LYZL4: variants seen among roughly 807,000 people sequenced by gnomAD.
LYZL4 encodes lysozyme-like protein 4.
Under a neutral mutation model 17.6 loss-of-function variants are expected in LYZL4, and 13 were observed. The ratio of observed to expected loss-of-function variants is 0.74; its 90% CI spans 0.48 to 1.18. The LOEUF (loss-of-function observed/expected upper bound fraction) is 1.18. LYZL4 is among the 50% of genes most tolerant of loss of function. The pLI, the probability that LYZL4 is intolerant of heterozygous loss-of-function variation, is 0.00. For missense variants in LYZL4, 174 were observed against 188.2 expected (o/e 0.92, Z 0.44); for synonymous variants, 64 against 67.7 (o/e 0.95, Z 0.27).
the LYZL4 span, among the ~76,000 whole-genome samples, chr3:42,387,968 T>C: frequency 5.3e-5 from 8 of 151,960 alleles, no homozygotes; most frequent in African/African-American, 1.7e-4. Flanking sequence ...CCTCCCAGGC[T>C]CCAAGGTAGC....
At chr3:42,385,272 C>G in the LYZL4 span, among the ~76,000 whole-genome samples, 1 of 151,948 alleles carries the variant, frequency 6.6e-6, no homozygotes, top group Non-Finnish European at 1.5e-5. Flanking sequence ...AAGTGGTGGT[C>G]CCATACAAAC....
chr3:42,366,860 T>C, the LYZL4 span, among the ~76,000 whole-genome samples: 2 of 152,188 alleles, frequency 1.3e-5, no homozygotes, highest in Non-Finnish European at 2.9e-5. Flanking sequence ...GGGAAATAAT[T>C]AACCTATGAA....
chr3:42,406,480 A>AAG (rs1698755138), intron 3 of LYZL4, among the ~76,000 whole-genome samples: 3 of 148,190 alleles, frequency 2.0e-5, no homozygotes, highest in Non-Finnish European at 4.5e-5. Context: ...AAAAAAAAAA[A>AAG]GAAAGAAAGA....
At chr3:42,409,203 C>G (rs540671503) in intron 1 of LYZL4, among the ~76,000 whole-genome samples, 1 of 152,262 alleles carries the variant, frequency 6.6e-6, no homozygotes, top group East Asian at 1.9e-4. Flanking sequence ...CTCTTGATTC[C>G]TCAGTTTCCT....
downstream of LYZL4, among the ~76,000 whole-genome samples, chr3:42,396,841 C>T (rs534765946): frequency 2.0e-5 from 3 of 152,336 alleles, no homozygotes; most frequent in African/African-American, 4.8e-5. Context: ...AGTGTGGACA[C>T]GCCTTGGCTG....
downstream of LYZL4, among the ~76,000 whole-genome samples, chr3:42,393,648 G>A (rs530483491): frequency 7.2e-5 from 11 of 152,284 alleles, no homozygotes; most frequent in South Asian, 1.9e-3. Context: ...TGCACTAGCC[G>A]GTTTCTTCCA....
the LYZL4 span, among the ~76,000 whole-genome samples, chr3:42,381,821 C>T: frequency 2.0e-3 from 299 of 152,356 alleles, no homozygotes; most frequent in African/African-American, 6.6e-3. Context: ...CCCTTCAAGA[C>T]ACTCAGTGGG....
chr3:42,387,820 C>T, the LYZL4 span, among the ~76,000 whole-genome samples: 1 of 152,188 alleles, frequency 6.6e-6, no homozygotes, highest in Non-Finnish European at 1.5e-5. Context: ...GGCTACCCCT[C>T]CCACCCAGCT....
chr3:42,377,267 C>CT, the LYZL4 span, among the ~76,000 whole-genome samples: 1 of 152,158 alleles, frequency 6.6e-6, no homozygotes, highest in African/African-American at 2.4e-5. Context: ...ATACAATCTC[C>CT]TTTAACCCTC....
intron 4 of LYZL4, among the ~76,000 whole-genome samples, chr3:42,402,002 G>GA (rs763266118): frequency 2.0e-5 from 3 of 151,680 alleles, no homozygotes; most frequent in Non-Finnish European, 2.9e-5. Flanking sequence ...AAGCTTTTAG[G>GA]AAAAAAAGGA....
chr3:42,386,990 A>T, the LYZL4 span, among the ~76,000 whole-genome samples: 1 of 152,138 alleles, frequency 6.6e-6, no homozygotes, highest in Non-Finnish European at 1.5e-5. Context: ...AGATTTTTTT[A>T]AATTCGCCTT....
At chr3:42,379,584 G>T in the LYZL4 span, among the ~76,000 whole-genome samples, 1 of 151,264 alleles carries the variant, frequency 6.6e-6, no homozygotes, top group Non-Finnish European at 1.5e-5. Flanking sequence ...ATTCCAGAAG[G>T]CCAGGAACCA....
At chr3:42,395,036 A>G (rs1698532653), downstream of LYZL4, among the ~76,000 whole-genome samples, 1 of 152,212 alleles carries the variant, frequency 6.6e-6, no homozygotes. Context: ...ACTGCCAGTA[A>G]TTTTACTGTA....
downstream of LYZL4, among the ~76,000 whole-genome samples, chr3:42,394,462 G>T (rs559104266): frequency 5.9e-5 from 9 of 152,264 alleles, no homozygotes; most frequent in South Asian, 1.9e-3. Flanking sequence ...TTCACCATCT[G>T]TAATATGGGT....
In LYZL4 at chr3:42,407,139, TAA is replaced by T; in HGVS notation, c.111_112del (p.Asp37GlufsTer3). On this transcript the variant is annotated frameshift_variant, in exon 2 of 5. Transcript: ENST00000287748. LOFTEE classifies it high-confidence loss of function. ...GTTCTCAAGGCTATAGCCCTCAAAA[TAA>T]TCCAGGCCTCCATCGTGGAGTTTCT... 3 of 1,614,126 alleles carry T rather than the reference TAA, an allele frequency of 1.9e-6. No homozygotes were observed. Among genetic ancestry groups the T allele is most frequent in the Non-Finnish European group, 2.5e-6 (3 of 1,180,030 alleles).
At chr3:42,365,692 G>A in the LYZL4 span, among the ~76,000 whole-genome samples, 1 of 152,162 alleles carries the variant, frequency 6.6e-6, no homozygotes, top group East Asian at 1.9e-4. Flanking sequence ...CCACGACACG[G>A]TGTGGATATA....
chr3:42,404,929 T>C (rs1317036405), intron 3 of LYZL4, among the ~76,000 whole-genome samples: 1 of 152,240 alleles, frequency 6.6e-6, no homozygotes, highest in East Asian at 1.9e-4. Flanking sequence ...ATTGTTGTAA[T>C]TCACTAAGGG....
At chr3:42,369,576 A>G in the LYZL4 span, among the ~76,000 whole-genome samples, 1 of 152,206 alleles carries the variant, frequency 6.6e-6, no homozygotes, top group Non-Finnish European at 1.5e-5. Context: ...GCCTAGCAGG[A>G]TGCAGTCGCC....
At chr3:42,374,598 T>C in the LYZL4 span, among the ~76,000 whole-genome samples, 79 of 152,240 alleles carry the variant, frequency 5.2e-4, no homozygotes, top group African/African-American at 1.6e-3. Flanking sequence ...AAAATCAGGA[T>C]TTCTAGCTGT....
Sources: gnomAD v4.1 joint callset for allele counts (sites outside exome capture counted in the v4.1 genomes callset) on GRCh38, gnomAD v4.1.1 for gene constraint, MANE v1.5 for transcripts, NCBI Gene and HGNC (gene_info 2026-07-23, HGNC 2026-07-21) for gene names.